The following HIC2 variants were observed in gnomAD, a reference collection of about 807,000 sequenced individuals.
The protein encoded by HIC2 is hypermethylated in cancer 2 protein.
Under a neutral mutation model 39.5 loss-of-function variants are expected in HIC2, and 2 were observed. That is an observed-to-expected ratio of 0.05 (90% confidence interval 0.02 to 0.16). The LOEUF is 0.16. HIC2 is among the 10% of genes least tolerant of loss of function. The pLI is 1.00. For synonymous variants in HIC2, 399 were observed against 368.8 expected, an observed-to-expected ratio of 1.08 and a Z score of -0.94; for missense variants, 713 against 863.5, an observed-to-expected ratio of 0.83 and a Z score of 2.18.
rs893553358 is a variant in HIC2, at chr22:21,449,456, A to C, written c.*2713A>C. On this transcript the variant is annotated 3_prime_UTR_variant, in exon 3 of 3. Coordinates refer to ENST00000407464, the MANE Select transcript of HIC2 (RefSeq NM_015094.3). ...AAAATAAGCTCATACCCAAATTCAC[A>C]AAGCCTATTTTTTAAACCAAAGCAC... The C allele has an allele frequency of 3.3e-5, 5 of 152,796 alleles. No homozygotes were observed. Among genetic ancestry groups the C allele is most frequent in the Admixed American group, 2.6e-4 (4 of 15,284 alleles). The allele number at this position is 152,796 out of a possible 1,614,324, so 9.5% of individuals were successfully genotyped here.
chr22:21,438,299 G>A (rs1265198916), intron 1 of HIC2, among the ~76,000 whole-genome samples: 1 of 150,990 alleles, frequency 6.6e-6, no homozygotes, highest in Non-Finnish European at 1.5e-5. Context: ...CCCAGCACCT[G>A]GAGCAGTTCT....
chr22:21,444,333 C>T (rs756325133), intron 2 of HIC2, among the ~76,000 whole-genome samples: 4 of 152,246 alleles, frequency 2.6e-5, no homozygotes, highest in African/African-American at 9.6e-5. Context: ...GCCCAGAGTG[C>T]GAGGCAGCCC....
At chr22:21,438,139 C>G (rs1212018219) in intron 1 of HIC2, among the ~76,000 whole-genome samples, 1 of 152,258 alleles carries the variant, frequency 6.6e-6, no homozygotes, top group African/African-American at 2.4e-5. Context: ...GGCCTCCCTC[C>G]TGGCTGGGCG....
rs10597644 is a variant in HIC2 at position 21,447,264 on chromosome 22, ACAGT to A, written c.*525_*528del. ...GGTGGCACTGTTCACTGGCGCTGGG[ACAGT>A]CAGGGTGACCCCACCGCCTACCTCT... On this transcript the variant is annotated 3_prime_UTR_variant, in exon 3 of 3. Transcript: ENST00000407464. 2,149 of 158,110 alleles carry A rather than the reference ACAGT, an allele frequency of 0.014. 54 individuals are homozygous for A. Among genetic ancestry groups the A allele is most frequent in the African/African-American group, 0.049 (2,023 of 41,634 alleles). 9.8% of individuals were successfully genotyped at this position (158,110 alleles called of 1,614,324 possible).
In HIC2 at chr22:21,446,351, G is replaced by C; in HGVS notation, c.1456G>C (p.Glu486Gln). Residue 486 changes from glutamate to glutamine, a missense_variant, in exon 3 of 3, where the codon GAG becomes CAG. By Grantham distance (29) the Glu-to-Gln change is conservative. Transcript: ENST00000407464. ...CGAGACAGGCAGTGGGGGTGCCGAG[G>C]AGGAGGCCGAGGACCTGTCAGCACC... Reference protein sequence around the residue: ...AYETGSGGAEEEAEDLSAPSA... With the variant: ...AYETGSGGAEQEAEDLSAPSA... The C allele has an allele frequency of 6.2e-7, 1 of 1,612,924 alleles. No homozygotes were observed. Among genetic ancestry groups the C allele is most frequent in the Non-Finnish European group, 8.5e-7 (1 of 1,180,006 alleles).
In HIC2 at chr22:21,445,948, G is replaced by A. The variant is rs893282739; in HGVS notation, c.1053G>A (p.Glu351=). The A allele has an allele frequency of 2.5e-6, 4 of 1,570,466 alleles. No homozygotes were observed. Among genetic ancestry groups the A allele is most frequent in the African/African-American group, 2.7e-5 (2 of 73,236 alleles). The change falls in exon 3 of 3, where the codon GAG becomes GAA. Residue 351 remains glutamate, a synonymous_variant. Transcript: ENST00000407464. ...KKEPVAGSPF[E]RREAGPKGPC... is the part of the protein sequence containing the mutation. The stretch of plus-strand genomic sequence containing the variant: ...AGCCTGTGGCTGGCTCCCCCTTTGA[G>A]CGGAGAGAAGCAGGGCCCAAGGGTC...
At chr22:21,418,094 G>A in intron 1 of HIC2, among the ~76,000 whole-genome samples, 1 of 134,538 alleles carries the variant, frequency 7.4e-6, no homozygotes, top group African/African-American at 2.6e-5. Context: ...CACGGCAGGG[G>A]CAGGGGCGGG....
At chr22:21,432,865 A>G (rs1163361548) in intron 1 of HIC2, among the ~76,000 whole-genome samples, 1 of 35,502 alleles carries the variant, frequency 2.8e-5, no homozygotes, top group African/African-American at 1.6e-4. Context: ...CATCCTGGAC[A>G]TTGCCGCGTT....
In HIC2 at chr22:21,446,399, C is replaced by T. The variant is rs758299934; in HGVS notation, c.1504C>T (p.Pro502Ser). ...SAPSAAYTAE[P>S]RPFKCSVCEK... ...ACCCAGTGCGGCCTACACGGCTGAG[C>T]CCCGGCCCTTCAAGTGTTCGGTCTG... is the stretch of plus-strand genomic sequence containing the variant. The change falls in exon 3 of 3, where the codon CCC (proline) becomes TCC (serine). Residue 502 changes from proline to serine, a missense_variant. By Grantham distance (74) the Pro-to-Ser change is moderately conservative. This residue lies in a region of HIC2 where 103 missense variants were observed against 103.4 expected (regional missense o/e 1.00). Transcript: ENST00000407464. 1.9e-6 allele frequency: 3 copies of T among 1,612,104 alleles called. No homozygotes were observed. The highest frequency in any genetic ancestry group is 2.5e-6 in the Non-Finnish European group (3 of 1,180,016).
chr22:21,445,746 C>T lies in HIC2; in HGVS notation c.851C>T (p.Ala284Val), dbSNP rs751577708. 6 of 1,611,450 alleles carry T rather than the reference C, an allele frequency of 3.7e-6. No homozygotes were observed. The highest frequency in any genetic ancestry group is 4.2e-6 in the Non-Finnish European group (5 of 1,179,408). Residue 284 changes from alanine (A) to valine (V), a missense_variant, in exon 3 of 3, where the codon GCC becomes GTC. Physicochemically the swap from Ala to Val is moderately conservative, Grantham distance 64. Around this residue, in one of 5 missense-constraint regions of HIC2, gnomAD observed 457 missense variants for 420.2 expected, o/e 1.09. Transcript: ENST00000407464. The part of the protein sequence containing the change: ...SDSQHGSPPA[A>V]SAPPVANSAS... ...AGCCAACATGGCTCGCCCCCTGCGGCCTCTGCTCCTCCCGTTGCCAACAGT... is the reference window on the plus strand; with the variant it reads ...AGCCAACATGGCTCGCCCCCTGCGGTCTCTGCTCCTCCCGTTGCCAACAGT...
Position 21,447,880 on chromosome 22 carries a change from G to C in HIC2, c.*1137G>C, listed in dbSNP as rs1923950213. On this transcript the variant is annotated 3_prime_UTR_variant, in exon 3 of 3. Coordinates refer to ENST00000407464, the MANE Select transcript of HIC2 (RefSeq NM_015094.3). ...TTTCCCTCCTTCCTCGCTGAACAAG[G>C]TGGAGACTTCTGACCTTTTGCTACC... is the stretch of plus-strand genomic sequence containing the variant. 6.5e-6 allele frequency: 1 copy of C among 152,834 alleles called. No individual in the cohort carries two copies. The highest frequency in any genetic ancestry group is 1.9e-4 in the East Asian group (1 of 5,334). The allele number at this position is 152,834 out of a possible 1,614,324, so 9.5% of individuals were successfully genotyped here.
intron 1 of HIC2, among the ~76,000 whole-genome samples, chr22:21,426,559 C>T (rs1395175650): frequency 3.6e-5 from 5 of 138,200 alleles, no homozygotes; most frequent in African/African-American, 1.3e-4. Context: ...ACCTCTGCTT[C>T]CCGGGTTCAA....
chr22:21,445,218 G>A lies in HIC2; in HGVS notation c.323G>A (p.Ser108Asn), dbSNP rs769062857. ...DFIYTGKLLP[S>N]DQPAEPNFST... ...ATCTACACAGGCAAGCTGCTGCCCAGCGACCAGCCAGCCGAGCCCAACTTC... is the reference window on the plus strand; with the variant it reads ...ATCTACACAGGCAAGCTGCTGCCCAACGACCAGCCAGCCGAGCCCAACTTC... The change falls in exon 3 of 3, where the codon AGC becomes AAC. Residue 108 changes from serine to asparagine, a missense_variant. Physicochemically the swap from Ser to Asn is conservative, Grantham distance 46. Around this residue, in one of 5 missense-constraint regions of HIC2, gnomAD observed 102 missense variants for 187.1 expected, o/e 0.55. Transcript: ENST00000407464. 1 of 1,613,788 alleles carries A rather than the reference G, an allele frequency of 6.2e-7. No individual in the cohort carries two copies. Among genetic ancestry groups the A allele is most frequent in the African/African-American group, 1.3e-5 (1 of 75,060 alleles).
intron 1 of HIC2, among the ~76,000 whole-genome samples, chr22:21,418,899 GCTT>G: frequency 8.9e-6 from 1 of 112,338 alleles, no homozygotes; most frequent in East Asian, 2.8e-4. Flanking sequence ...TTCTGGCTTG[GCTT>G]CTTTTCGTCC....
chr22:21,445,230 C>T lies in HIC2; in HGVS notation c.335C>T (p.Ala112Val), dbSNP rs183844867. 47 of 1,613,584 alleles carry T rather than the reference C, an allele frequency of 2.9e-5. No individual in the cohort carries two copies. The Admixed American group carries it at 7.8e-4, about 27-fold the overall frequency. ...TGKLLPSDQP[A>V]EPNFSTLLTA... ...AAGCTGCTGCCCAGCGACCAGCCAG[C>T]CGAGCCCAACTTCAGCACCCTCCTC... Residue 112 changes from alanine to valine, a missense_variant, in exon 3 of 3, where the codon GCC becomes GTC. This residue lies in a region of HIC2 where 102 missense variants were observed against 187.1 expected (regional missense o/e 0.55). Coordinates refer to ENST00000407464, the MANE Select transcript of HIC2 (RefSeq NM_015094.3).
rs1275519565 is a variant in HIC2, at chr22:21,448,879, C to G, written c.*2136C>G. The G allele has an allele frequency of 1.3e-5, 2 of 152,788 alleles. No homozygotes were observed. Among genetic ancestry groups the G allele is most frequent in the East Asian group, 3.8e-4 (2 of 5,308 alleles). The allele number at this position is 152,788 out of a possible 1,614,324, so 9.5% of individuals were successfully genotyped here. ...ACTCAGTGAGGGGGCTCCTGCCGTC[C>G]TGACGCCACCCCGCCCCATCAGCAC... On this transcript the variant is annotated 3_prime_UTR_variant, in exon 3 of 3. Transcript: ENST00000407464.
rs762499529 is a variant in HIC2, at chr22:21,445,663, G to C, written c.768G>C (p.Leu256Phe). 14 of 1,605,610 alleles carry C rather than the reference G, an allele frequency of 8.7e-6. No individual in the cohort carries two copies. The highest frequency in any genetic ancestry group is 1.2e-5 in the Non-Finnish European group (14 of 1,176,672). ...GLDLSKKSPP[L>F]PPATPGPHLT... ...ACCTGTCCAAGAAAAGCCCACCCTT[G>C]CCCCCTGCCACCCCAGGTCCCCACC... The change falls in exon 3 of 3, where the codon TTG becomes TTC. Residue 256 changes from leucine to phenylalanine, a missense_variant. Leu to Phe is a conservative substitution (Grantham distance 22). Coordinates refer to ENST00000407464, the MANE Select transcript of HIC2 (RefSeq NM_015094.3).
At chr22:21,425,294 CAG>C (rs1436359348) in intron 1 of HIC2, among the ~76,000 whole-genome samples, 2 of 108,318 alleles carry the variant, frequency 1.8e-5, no homozygotes, top group African/African-American at 7.0e-5. Flanking sequence ...GGAGGCAGTA[CAG>C]ATGACTGAGT....
intron 2 of HIC2, among the ~76,000 whole-genome samples, chr22:21,444,103 C>T (rs1478994397): frequency 1.3e-5 from 2 of 152,254 alleles, no homozygotes; most frequent in African/African-American, 4.8e-5. Flanking sequence ...GTCAGAGTTC[C>T]TGCAGAGACC....
Sources: allele counts gnomAD v4.1 joint callset (sites outside exome capture counted in the v4.1 genomes callset), GRCh38; gene constraint gnomAD v4.1.1; regional missense constraint gnomAD v4.1.1; transcripts MANE v1.5; gene names NCBI Gene and HGNC (gene_info 2026-07-23, HGNC 2026-07-21).